Variants in RPH3A observed in about 807,000 individuals in gnomAD.
The protein encoded by RPH3A is rabphilin 3A.
RPH3A carries 48 observed loss-of-function variants against 102.2 expected under a neutral mutation model. That is an observed-to-expected ratio of 0.47 (90% CI 0.37 to 0.60). The LOEUF (loss-of-function observed/expected upper bound fraction) is 0.60, where lower values mean the gene tolerates loss of function less well. Among genes scored for constraint, RPH3A ranks in the 20% least tolerant of loss-of-function variants. The probability of loss-of-function intolerance (pLI) is 0.00; values close to 1 mark genes in which losing one functional copy is unlikely to be tolerated. For missense variants in RPH3A, 781 were observed against 910.1 expected (o/e 0.86, Z 1.83); for synonymous variants, 310 against 324.3 (o/e 0.96, Z 0.47).
chr12:112,698,733 T>C (rs2040369551), intron 1 of RPH3A, among the ~76,000 whole-genome samples: 2 of 152,324 alleles, frequency 1.3e-5, no homozygotes, highest in South Asian at 2.1e-4. Flanking sequence ...GGTGAGGATA[T>C]GAAGCCACTG....
chr12:112,601,948 T>G (rs1423359083), intron 1 of RPH3A, among the ~76,000 whole-genome samples: 1 of 151,890 alleles, frequency 6.6e-6, no homozygotes, highest in Non-Finnish European at 1.5e-5. Flanking sequence ...CTCCAAAAAA[T>G]AAACAAACCA....
chr12:112,839,314 CTTT>C (rs141224326), intron 4 of RPH3A, among the ~76,000 whole-genome samples: 2,165 of 150,246 alleles, frequency 0.014, 42 homozygotes, highest in African/African-American at 0.045. Context: ...TCTTTTTTTT[CTTT>C]TTTTTTGCCA....
chr12:112,881,719 C>A, intron 14 of RPH3A, 53 bp from the exon 15 acceptor site: 1 of 1,357,352 alleles, frequency 7.4e-7, no homozygotes, highest in Non-Finnish European at 1.0e-6. Flanking sequence ...CCGATGACAG[C>A]TGAGCACTGG....
chr12:112,597,178 C>G (rs962253836), intron 1 of RPH3A, among the ~76,000 whole-genome samples: 1 of 152,134 alleles, frequency 6.6e-6, no homozygotes, highest in Non-Finnish European at 1.5e-5. Context: ...GGAGAGGGAA[C>G]TGTGATTGTT....
intron 10 of RPH3A, among the ~76,000 whole-genome samples, chr12:112,870,575 T>C (rs1035331511): frequency 3.9e-5 from 6 of 152,146 alleles, no homozygotes; most frequent in African/African-American, 1.2e-4. Context: ...TTGAAGGAAA[T>C]GTCTACCATA....
chr12:112,692,461 G>A (rs965313431), intron 1 of RPH3A, among the ~76,000 whole-genome samples: 1 of 152,164 alleles, frequency 6.6e-6, no homozygotes, highest in Middle Eastern at 3.4e-3. Context: ...TAAAATAAAA[G>A]AAATTGAATG....
At chr12:112,658,838 T>C (rs2040031037) in intron 1 of RPH3A, among the ~76,000 whole-genome samples, 1 of 152,170 alleles carries the variant, frequency 6.6e-6, no homozygotes, top group South Asian at 2.1e-4. Flanking sequence ...GGTGCCCAGA[T>C]TGCCAGATTA....
chr12:112,645,234 T>C (rs969680339), intron 1 of RPH3A, among the ~76,000 whole-genome samples: 1 of 152,110 alleles, frequency 6.6e-6, no homozygotes, highest in African/African-American at 2.4e-5. Context: ...CCACCCTGGA[T>C]TTTTTCCCCC....
At chr12:112,868,199 T>A in intron 7 of RPH3A, 1 of 487,294 alleles carries the variant, frequency 2.1e-6, no homozygotes, top group Non-Finnish European at 3.6e-6. Flanking sequence ...CCTTTCTCCA[T>A]CCAAACTCCA....
chr12:112,869,673 T>C, intron 8 of RPH3A, 86 bp from the exon 9 acceptor site: 1 of 1,268,764 alleles, frequency 7.9e-7, no homozygotes, highest in Admixed American at 1.9e-5. Flanking sequence ...CAATAGTCAA[T>C]GAACCCCTTT....
At chr12:112,588,326 T>C (rs979373748) in intron 1 of RPH3A, among the ~76,000 whole-genome samples, 6 of 152,220 alleles carry the variant, frequency 3.9e-5, no homozygotes, top group Non-Finnish European at 7.3e-5. Flanking sequence ...CAGTTCCATA[T>C]GGCTGGAGAG....
In RPH3A at chr12:112,596,061, C is replaced by T. The variant is rs117602413; in HGVS notation, c.-140+20742C>T. ...AGTTATGTAGGTTGGTATGTGTGGA[C>T]GAAGGGTGGGTTCTCAAAACATCAT... On this transcript the variant is annotated intron_variant, in intron 1 of 21. Transcript: ENST00000543106. 9.3e-4 allele frequency among the ~76,000 whole-genome samples: 142 copies of T among 152,078 alleles called. 3 individuals are homozygous for T. In the East Asian group the frequency reaches 0.024, roughly 26 times the overall value.
intron 5 of RPH3A, among the ~76,000 whole-genome samples, chr12:112,863,468 C>A (rs1470423301): frequency 6.6e-6 from 1 of 152,210 alleles, no homozygotes; most frequent in East Asian, 1.9e-4. Flanking sequence ...CAGATGCACA[C>A]CACCAGGCCC....
At chr12:112,821,384 A>T (rs964044278) in intron 2 of RPH3A, among the ~76,000 whole-genome samples, 1 of 152,176 alleles carries the variant, frequency 6.6e-6, no homozygotes, top group African/African-American at 2.4e-5. Context: ...CCAGAAGTTT[A>T]CATGGTCTTC....
intron 1 of RPH3A, among the ~76,000 whole-genome samples, chr12:112,685,688 G>C (rs920121547): frequency 6.6e-6 from 1 of 152,264 alleles, no homozygotes; most frequent in South Asian, 2.1e-4. Flanking sequence ...GACCCTCAAG[G>C]CATGGTTGTT....
intron 12 of RPH3A, among the ~76,000 whole-genome samples, chr12:112,876,111 A>G (rs1223024057): frequency 1.3e-5 from 2 of 152,200 alleles, no homozygotes; most frequent in African/African-American, 4.8e-5. Context: ...ACTAACACAT[A>G]GAAAACCTTG....
chr12:112,847,972 G>T, intron 5 of RPH3A, 130 bp downstream of exon 5: 1 of 963,348 alleles, frequency 1.0e-6, no homozygotes, highest in Non-Finnish European at 1.5e-6. Context: ...TGACTTACGG[G>T]GCCACCTCCC....
At chr12:112,720,272 G>T (rs928595773) in intron 1 of RPH3A, among the ~76,000 whole-genome samples, 4 of 152,246 alleles carry the variant, frequency 2.6e-5, no homozygotes, top group African/African-American at 9.6e-5. Flanking sequence ...AAAGTTCAAT[G>T]TCAGACTGAA....
intron 1 of RPH3A, among the ~76,000 whole-genome samples, chr12:112,673,489 C>A (rs1322894010): frequency 6.6e-6 from 1 of 151,738 alleles, no homozygotes; most frequent in Non-Finnish European, 1.5e-5. Flanking sequence ...TGCCACCATC[C>A]CTGGCTAATT....
Sources: gnomAD v4.1 joint callset for allele counts (sites outside exome capture counted in the v4.1 genomes callset) on GRCh38, gnomAD v4.1.1 for gene constraint, MANE v1.5 for transcripts, NCBI Gene and HGNC (gene_info 2026-07-23, HGNC 2026-07-21) for gene names.